Variants in BPTF observed in about 807,000 individuals in gnomAD.
The protein encoded by BPTF is bromodomain PHD finger transcription factor.
A neutral mutation model predicts 292.5 loss-of-function variants in BPTF; 18 were observed. The observed-to-expected ratio is 0.06, with a 90% CI of 0.04 to 0.09. The LOEUF (loss-of-function observed/expected upper bound fraction) is 0.09, where lower values mean the gene tolerates loss of function less well. BPTF is among the 10% of genes least tolerant of loss of function. The probability of loss-of-function intolerance (pLI) is 1.00; values close to 1 mark genes in which losing one functional copy is unlikely to be tolerated. For missense variants in BPTF, 2,726 were observed against 3,498.7 expected (o/e 0.78, Z 5.57); for synonymous variants, 1,225 against 1,251.9 (o/e 0.98, Z 0.45).
At chr17:67,916,266 T>A (rs553610774) in intron 11 of BPTF, among the ~76,000 whole-genome samples, 2 of 152,210 alleles carry the variant, frequency 1.3e-5, no homozygotes, top group Non-Finnish European at 2.9e-5. Flanking sequence ...GAGCTTTCTC[T>A]TTCACAGTGT....
chr17:67,915,571 A>T (rs974757775), intron 11 of BPTF, among the ~76,000 whole-genome samples: 1 of 152,174 alleles, frequency 6.6e-6, no homozygotes, highest in Middle Eastern at 3.4e-3. Flanking sequence ...CTGTACCTCT[A>T]CACCCCTTCC....
intron 5 of BPTF, among the ~76,000 whole-genome samples, chr17:67,892,475 A>T (rs775655356): frequency 3.9e-5 from 6 of 152,216 alleles, no homozygotes; most frequent in Non-Finnish European, 8.8e-5. Context: ...AGTACTGTGG[A>T]TAGGACAGCA....
chr17:67,904,020 T>C, intron 8 of BPTF, 102 bp downstream of exon 8: 1 of 1,003,502 alleles, frequency 1.0e-6, no homozygotes, highest in South Asian at 1.7e-5. Flanking sequence ...ATAGTCTTTG[T>C]ATTTTATTTA....
rs576670332 is a variant in BPTF, at chr17:67,918,570, A to G, written c.5304-144A>G. On this transcript the variant is annotated intron_variant, in intron 11 of 27. Transcript: ENST00000306378. ...TTCTTTTAAAGGACATATAATACCA[A>G]AGTCTTACAAAACCATATTATAAAT... 1.7e-5 allele frequency: 11 copies of G among 648,370 alleles called. No homozygotes were observed. In the South Asian group the frequency reaches 4.4e-4, roughly 26 times the overall value. 40.2% of individuals were successfully genotyped at this position (648,370 alleles called of 1,614,324 possible).
At chr17:67,908,882 T>C (rs2062440538) in intron 9 of BPTF, among the ~76,000 whole-genome samples, 1 of 147,366 alleles carries the variant, frequency 6.8e-6, no homozygotes, top group Non-Finnish European at 1.5e-5. Flanking sequence ...TCGCCCAGGC[T>C]GGAGTGCAGT....
chr17:67,831,091 A>G (rs1436670106), intron 1 of BPTF, among the ~76,000 whole-genome samples: 1 of 152,066 alleles, frequency 6.6e-6, no homozygotes, highest in Non-Finnish European at 1.5e-5. Flanking sequence ...GTATGATTTC[A>G]GAGGGATGCC....
intron 12 of BPTF, 27 bp from the exon 13 acceptor site, chr17:67,919,988 T>C (rs1369290606): frequency 6.3e-7 from 1 of 1,589,694 alleles, no homozygotes; most frequent in Non-Finnish European, 8.6e-7. Context: ...AGTTGGTTAT[T>C]AATACTATTG....
intron 26 of BPTF, among the ~76,000 whole-genome samples, chr17:67,973,660 C>G (rs2069054800): frequency 6.6e-6 from 1 of 152,008 alleles, no homozygotes; most frequent in African/African-American, 2.4e-5. Context: ...CATGTGCCAC[C>G]ATGCCTGGCT....
intron 4 of BPTF, among the ~76,000 whole-genome samples, chr17:67,878,470 T>G (rs1349950424): frequency 6.6e-6 from 1 of 152,180 alleles, no homozygotes; most frequent in African/African-American, 2.4e-5. Flanking sequence ...TGCTAAACAG[T>G]TTTCCACAGG....
chr17:67,871,287 C>G (rs2059716502), intron 3 of BPTF, among the ~76,000 whole-genome samples: 3 of 151,592 alleles, frequency 2.0e-5, no homozygotes, highest in African/African-American at 7.3e-5. Flanking sequence ...ACTAAAAATA[C>G]AAAAATTAGC....
At chr17:67,949,659 A>C (rs2066110583) in intron 23 of BPTF, among the ~76,000 whole-genome samples, 1 of 42,514 alleles carries the variant, frequency 2.4e-5, no homozygotes, top group Non-Finnish European at 9.6e-5. Context: ...ATATACACAC[A>C]GACATATATA....
At chr17:67,924,762 GT>G (rs2063731641) in intron 15 of BPTF, among the ~76,000 whole-genome samples, 173 bp downstream of exon 15, 1 of 152,096 alleles carries the variant, frequency 6.6e-6, no homozygotes, top group African/African-American at 2.4e-5. Flanking sequence ...ATACATTCTT[GT>G]GGGTTTTGGT....
At chr17:67,969,918 C>T (rs2068576686) in intron 26 of BPTF, among the ~76,000 whole-genome samples, 1 of 151,934 alleles carries the variant, frequency 6.6e-6, no homozygotes, top group South Asian at 2.1e-4. Flanking sequence ...AAGAGTGAAA[C>T]TCCGTGTCAA....
Position 67,843,754 on chromosome 17 carries a change from C to CTTTTTTTTTTTTTTT in BPTF, c.614-10172_614-10158dup, listed in dbSNP as rs56335701. Among the ~76,000 whole-genome samples the CTTTTTTTTTTTTTTT allele has an allele frequency of 5.6e-4, 35 of 62,228 alleles. 7 individuals carry two copies. The highest frequency in any genetic ancestry group is 2.9e-3 in the African/African-American group (34 of 11,926). The allele number at this position is 62,228 out of a possible 152,430, so 40.8% of individuals were successfully genotyped here. A position where few individuals can be genotyped will look rare whatever the true frequency, so the allele number is the denominator to read the frequency against. On this transcript the variant is annotated intron_variant, in intron 1 of 27. Transcript: ENST00000306378. The stretch of plus-strand genomic sequence containing the variant: ...TTTTTAAATTGTCTGGAGCAGTTGT[C>CTTTTTTTTTTTTTTT]TTTTTTTTTTTTTTTTTTTTTTTTT...
chr17:67,980,717 A>G (rs2148688703), intron 27 of BPTF, among the ~76,000 whole-genome samples: 1 of 152,294 alleles, frequency 6.6e-6, no homozygotes, highest in South Asian at 2.1e-4. Flanking sequence ...ATGGAGGCCT[A>G]GGCTGGGCCT....
chr17:67,876,221 A>C (rs143229255), intron 4 of BPTF, among the ~76,000 whole-genome samples: 22 of 152,336 alleles, frequency 1.4e-4, no homozygotes, highest in African/African-American at 5.3e-4. Context: ...TTGACATAAA[A>C]ATGTAAGTTG....
At chr17:67,895,932 A>G (rs1169314129) in intron 7 of BPTF, among the ~76,000 whole-genome samples, 1 of 150,556 alleles carries the variant, frequency 6.6e-6, no homozygotes, top group Non-Finnish European at 1.5e-5. Context: ...TAATGGTGAA[A>G]TTTGGAAACA....
At chr17:67,901,302 G>GT (rs992907589) in intron 7 of BPTF, among the ~76,000 whole-genome samples, 1 of 139,306 alleles carries the variant, frequency 7.2e-6, no homozygotes, top group Non-Finnish European at 1.5e-5. Context: ...ATGAAGAATT[G>GT]TTAAAAAAAA....
chr17:67,905,147 C>A (rs1315947125), intron 9 of BPTF, among the ~76,000 whole-genome samples: 1 of 152,132 alleles, frequency 6.6e-6, no homozygotes, highest in Non-Finnish European at 1.5e-5. Context: ...CGGTGGTTCA[C>A]GCCTGTAATC....
Sources: allele counts gnomAD v4.1 joint callset (sites outside exome capture counted in the v4.1 genomes callset), GRCh38; gene constraint gnomAD v4.1.1; transcripts MANE v1.5; gene names NCBI Gene and HGNC (gene_info 2026-07-23, HGNC 2026-07-21).